Variants in PLB1 observed in about 807,000 individuals in gnomAD.
The protein encoded by PLB1 is phospholipase B1, membrane-associated.
PLB1 carries 242 observed loss-of-function variants against 227.4 expected under a neutral mutation model. The observed-to-expected ratio is 1.06, with a 90% CI of 0.96 to 1.18. The LOEUF is 1.18. Ranked by LOEUF, PLB1 falls within the 50% of genes most tolerant of loss-of-function variation. PLB1 has a pLI of 0.00. For synonymous variants in PLB1, 757 were observed against 682.2 expected, an observed-to-expected ratio of 1.11 and a Z score of -1.71; for missense variants, 1,858 against 1,816.3, an observed-to-expected ratio of 1.02 and a Z score of -0.42.
rs1444831939 is a variant in PLB1 at position 28,582,134 on chromosome 2, G to A, written c.1632+1G>A. On this transcript the variant is annotated splice_donor_variant, in intron 24 of 57. Transcript: ENST00000327757. LOFTEE classifies it high-confidence loss of function. ...GGCCCTGGACATCCTCCATGCTGAG[G>A]TACGGAGGCTAGGCCATGAGGCCTG... 6.2e-7 allele frequency: 1 copy of A among 1,613,594 alleles called. No homozygotes were observed. Among genetic ancestry groups the A allele is most frequent in the Admixed American group, 1.7e-5 (1 of 60,028 alleles).
At chr2:28,562,780 C>CT (rs989511892) in intron 17 of PLB1, among the ~76,000 whole-genome samples, 1 of 152,130 alleles carries the variant, frequency 6.6e-6, no homozygotes, top group African/African-American at 2.4e-5. Context: ...CAGCTCCCCA[C>CT]TTAAAGCAGG....
intron 12 of PLB1, 83 bp from the exon 13 acceptor site, chr2:28,541,624 G>A (rs1672495038): frequency 4.0e-6 from 4 of 1,007,384 alleles, no homozygotes; most frequent in Non-Finnish European, 6.0e-6. Context: ...TCCCAGGGCT[G>A]CCGAGAATGA....
chr2:28,585,870 C>T, intron 26 of PLB1, 28 bp downstream of exon 26: 1 of 1,527,250 alleles, frequency 6.5e-7, no homozygotes, highest in African/African-American at 1.4e-5. Flanking sequence ...TCTAAGACTT[C>T]CCAGAACTGC....
At chr2:28,583,953 C>T (rs1558830598) in intron 25 of PLB1, among the ~76,000 whole-genome samples, 1 of 152,170 alleles carries the variant, frequency 6.6e-6, no homozygotes, top group African/African-American at 2.4e-5. Context: ...AGGAATAAGA[C>T]GTTCCTCTAA....
chr2:28,523,335 GTTTTTTT>G (rs199936505), intron 4 of PLB1, among the ~76,000 whole-genome samples: 6 of 116,892 alleles, frequency 5.1e-5, no homozygotes, highest in South Asian at 2.9e-4. Flanking sequence ...TATCTGCGAG[GTTTTTTT>G]TTTTTTTTTT....
At chr2:28,604,824 T>G (rs1334381854) in intron 41 of PLB1, 65 bp downstream of exon 41, 1 of 1,434,880 alleles carries the variant, frequency 7.0e-7, no homozygotes, top group Non-Finnish European at 9.7e-7. Context: ...GAATTGCCAG[T>G]TGCTTCCACG....
chr2:28,562,540 C>CAAAAAAAGAAAAAAAAA (rs1676217844), intron 17 of PLB1, among the ~76,000 whole-genome samples: 1 of 42,606 alleles, frequency 2.3e-5, no homozygotes, highest in Non-Finnish European at 3.9e-5. Flanking sequence ...GACTCTGTCT[C>CAAAAAAAGAAAAAAAAA]AAAAAAAAAA....
chr2:28,518,762 G>A (rs1246934902), intron 3 of PLB1, among the ~76,000 whole-genome samples: 1 of 152,176 alleles, frequency 6.6e-6, no homozygotes, highest in Non-Finnish European at 1.5e-5. Flanking sequence ...TGGGTGGATG[G>A]TGTTGTGGGA....
At chr2:28,543,635 T>G (rs896489431) in intron 14 of PLB1, among the ~76,000 whole-genome samples, 17 of 152,138 alleles carry the variant, frequency 1.1e-4, no homozygotes, top group African/African-American at 4.1e-4. Flanking sequence ...TTAGGCGGTG[T>G]TGTGCGGTTG....
At position 28,529,882 on chromosome 2, in the gene PLB1, G is replaced by A. The variant is rs115762430; in HGVS notation, c.468+103G>A. ...CCTCGTACCATTTTACCATGAACTC[G>A]GCAACTAGTGTGACCTGGGTTCTTT... On this transcript the variant is annotated intron_variant, in intron 8 of 57. Coordinates refer to ENST00000327757, the MANE Select transcript of PLB1 (RefSeq NM_153021.5). The A allele has an allele frequency of 1.9e-3, 2,033 of 1,042,950 alleles. 27 individuals are homozygous for A. The African/African-American group carries it at 0.027, about 14-fold the overall frequency. The allele number at this position is 1,042,950 out of a possible 1,614,324, so 64.6% of individuals were successfully genotyped here. A position where few individuals can be genotyped will look rare whatever the true frequency, so the allele number is the denominator to read the frequency against.
chr2:28,565,337 C>A lies in PLB1; in HGVS notation c.1264C>A (p.Arg422=). ...GNVLDVLTQY[R]GLSWSVGGDE... is the part of the protein sequence containing the mutation. Reference sequence around the variant, plus strand: ...CGTCTTGGACGTCTTGACTCAGTACCGAGGCCTGTCCTGGAGGTGAGTGAG... The same window carrying A: ...CGTCTTGGACGTCTTGACTCAGTACAGAGGCCTGTCCTGGAGGTGAGTGAG... The change falls in exon 19 of 58, where the codon CGA becomes AGA. Residue 422 remains arginine (R), a synonymous_variant. Coordinates refer to ENST00000327757, the MANE Select transcript of PLB1 (RefSeq NM_153021.5). The A allele has an allele frequency of 6.2e-7, 1 of 1,609,552 alleles. No homozygotes were observed. The highest frequency in any genetic ancestry group is 1.1e-5 in the South Asian group (1 of 89,514).
At chr2:28,562,709 C>T (rs1379097141) in intron 17 of PLB1, among the ~76,000 whole-genome samples, 1 of 151,956 alleles carries the variant, frequency 6.6e-6, no homozygotes, top group East Asian at 1.9e-4. Flanking sequence ...CCTCCCAAAT[C>T]ACCTTGCCAA....
intron 14 of PLB1, among the ~76,000 whole-genome samples, chr2:28,545,843 G>A (rs1673175693): frequency 6.6e-6 from 1 of 152,126 alleles, no homozygotes. Context: ...CCTCTGTGTG[G>A]GGAGCAGAGA....
intron 56 of PLB1, among the ~76,000 whole-genome samples, chr2:28,634,968 T>G (rs1426229365): frequency 1.3e-5 from 2 of 152,072 alleles, no homozygotes; most frequent in Admixed American, 1.3e-4. Flanking sequence ...CTAAAGCAGT[T>G]CAGTAGCTCT....
intron 25 of PLB1, among the ~76,000 whole-genome samples, chr2:28,585,181 C>T (rs1680698635): frequency 1.3e-5 from 2 of 152,186 alleles, no homozygotes; most frequent in African/African-American, 4.8e-5. Flanking sequence ...CCTCAGACAG[C>T]CGTAAGGTGA....
chr2:28,529,336 A>G lies in PLB1; in HGVS notation c.345A>G (p.Arg115=), dbSNP rs770109400. The G allele has an allele frequency of 1.2e-6, 2 of 1,610,702 alleles. No individual in the cohort carries two copies. The highest frequency in any genetic ancestry group is 2.2e-5 in the East Asian group (1 of 44,846). ...GVMTVLSDII[R]YFSPSVPMPV... ...CTTTAGTCCTTTCAGACATCATCAG[A>G]TATTTCAGTCCTTCTGTTCCAATGC... is the stretch of plus-strand genomic sequence containing the variant. The change falls in exon 7 of 58, where the codon AGA becomes AGG. Residue 115 remains arginine, a synonymous_variant. Transcript: ENST00000327757.
At chr2:28,548,513 G>C (rs781711553) in intron 14 of PLB1, 1 of 478,622 alleles carries the variant, frequency 2.1e-6, no homozygotes. Flanking sequence ...CTCTGTCCTG[G>C]CTGGCTGGGC....
chr2:28,611,937 G>A (rs1443707760), intron 43 of PLB1, among the ~76,000 whole-genome samples: 3 of 151,956 alleles, frequency 2.0e-5, no homozygotes, highest in African/African-American at 7.3e-5. Flanking sequence ...TCAGGAGATC[G>A]AGACCATCCT....
At position 28,604,043 on chromosome 2, in the gene PLB1, A is replaced by G. The variant is rs1259174237; in HGVS notation, c.2852A>G (p.Tyr951Cys). Residue 951 changes from tyrosine to cysteine, a missense_variant, in exon 40 of 58, where the codon TAC (tyrosine) becomes TGC (cysteine). Coordinates refer to ENST00000327757, the MANE Select transcript of PLB1 (RefSeq NM_153021.5). ...LARLEAFSRA[Y>C]RSSMRELVGS... ...AGGCTGGAGGCCTTCAGCCGAGCCTACCGGGTAAGACCAAGAAGGGCACCA... is the reference window on the plus strand; with the variant it reads ...AGGCTGGAGGCCTTCAGCCGAGCCTGCCGGGTAAGACCAAGAAGGGCACCA... The G allele has an allele frequency of 6.2e-7, 1 of 1,612,854 alleles. No homozygotes were observed.
Sources: allele counts gnomAD v4.1 joint callset (sites outside exome capture counted in the v4.1 genomes callset), GRCh38; gene constraint gnomAD v4.1.1; transcripts MANE v1.5; gene names NCBI Gene and HGNC (gene_info 2026-07-23, HGNC 2026-07-21).